The following OXR1 variants were observed in gnomAD, a reference collection of about 807,000 sequenced individuals.
OXR1 encodes oxidation resistance 1.
A neutral mutation model predicts 104.6 loss-of-function variants in OXR1; 41 were observed. That is an observed-to-expected ratio of 0.39 (90% CI 0.31 to 0.51). OXR1 has a LOEUF of 0.51. Ranked by LOEUF, OXR1 falls within the 20% of genes least tolerant of loss-of-function variation. The pLI, the probability that OXR1 is intolerant of heterozygous loss-of-function variation, is 0.77. For synonymous variants in OXR1, 348 were observed against 348.4 expected, an observed-to-expected ratio of 1.00 and a Z score of 0.01; for missense variants, 955 against 1,031.9, an observed-to-expected ratio of 0.93 and a Z score of 1.02.
chr8:106,497,647 A>T (rs1811499867), intron 2 of OXR1, among the ~76,000 whole-genome samples: 2 of 152,328 alleles, frequency 1.3e-5, no homozygotes, highest in Middle Eastern at 6.8e-3. Flanking sequence ...TTTGATGAAG[A>T]TCAAAATCTA....
intron 3 of OXR1, among the ~76,000 whole-genome samples, chr8:106,565,176 G>A (rs1246040391): frequency 1.3e-5 from 2 of 152,106 alleles, no homozygotes; most frequent in South Asian, 2.1e-4. Context: ...AGGAACAGAG[G>A]AAGTCAAATT....
intron 2 of OXR1, among the ~76,000 whole-genome samples, chr8:106,461,151 G>A (rs1001140350): frequency 5.3e-5 from 8 of 152,132 alleles, no homozygotes; most frequent in South Asian, 2.1e-4. Flanking sequence ...TTGAGATTAC[G>A]GGAATGGATT....
chr8:106,524,275 C>T (rs982714045), intron 3 of OXR1, among the ~76,000 whole-genome samples: 3 of 152,138 alleles, frequency 2.0e-5, no homozygotes, highest in African/African-American at 7.2e-5. Context: ...CATATAAGGA[C>T]TTCTGAAAAA....
intron 2 of OXR1, among the ~76,000 whole-genome samples, chr8:106,400,515 T>C (rs1215983948): frequency 6.6e-6 from 1 of 151,932 alleles, no homozygotes; most frequent in African/African-American, 2.4e-5. Context: ...CCAATCAGTT[T>C]CCTCTTTTTT....
intron 3 of OXR1, among the ~76,000 whole-genome samples, chr8:106,544,613 G>A (rs1164912561): frequency 6.6e-6 from 1 of 151,984 alleles, no homozygotes; most frequent in African/African-American, 2.4e-5. Flanking sequence ...AAAGTATTCT[G>A]TTTTCCTCTG....
At chr8:106,700,399 T>C (rs1830481826) in intron 7 of OXR1, among the ~76,000 whole-genome samples, 1 of 152,214 alleles carries the variant, frequency 6.6e-6, no homozygotes, top group African/African-American at 2.4e-5. Context: ...TCTTGATTTA[T>C]GGAGAATGAT....
chr8:106,570,313 G>C (rs1343857108), intron 3 of OXR1, among the ~76,000 whole-genome samples: 1 of 152,130 alleles, frequency 6.6e-6, no homozygotes, highest in Non-Finnish European at 1.5e-5. Context: ...ATTGCATAGT[G>C]CTCCGCTTTG....
intron 2 of OXR1, among the ~76,000 whole-genome samples, chr8:106,485,166 GGA>G (rs1810562993): frequency 1.3e-5 from 2 of 151,056 alleles, no homozygotes; most frequent in Admixed American, 6.6e-5. Context: ...GGGGTTCAAA[GGA>G]GAGAGAGATA....
chr8:106,553,425 C>T (rs1816027122), intron 3 of OXR1, among the ~76,000 whole-genome samples: 1 of 151,474 alleles, frequency 6.6e-6, no homozygotes, highest in Non-Finnish European at 1.5e-5. Flanking sequence ...CTCAAGCAAT[C>T]CTCACACCTC....
At position 106,742,232 on chromosome 8, in the gene OXR1, C is replaced by T; in HGVS notation, c.2327C>T (p.Ala776Val). The T allele has an allele frequency of 1.3e-6, 2 of 1,595,100 alleles. No individual in the cohort carries two copies. The highest frequency in any genetic ancestry group is 1.7e-6 in the Non-Finnish European group (2 of 1,163,810). ...CTTTTTTATCCTTAGGTTTTTGGTG[C>T]GTTAGCATCTGAGCCACTGAAAGTG... is the stretch of plus-strand genomic sequence containing the variant. The part of the protein sequence containing the change: ...IKDSDGQVFG[A>V]LASEPLKVSD... Residue 776 changes from alanine to valine, a missense_variant, in exon 15 of 17, where the codon GCG becomes GTG. This residue lies in a region of OXR1 where 106 missense variants were observed against 179.0 expected (regional missense o/e 0.59). Coordinates refer to ENST00000517566, the MANE Select transcript of OXR1 (RefSeq NM_001198533.2).
chr8:106,456,910 G>GC (rs1398967257), intron 2 of OXR1, among the ~76,000 whole-genome samples: 6 of 152,036 alleles, frequency 3.9e-5, no homozygotes, highest in South Asian at 4.1e-4. Context: ...AATTCCAGTT[G>GC]CATTTATTAT....
intron 2 of OXR1, among the ~76,000 whole-genome samples, chr8:106,428,809 C>T (rs1422740570): frequency 1.3e-5 from 2 of 151,754 alleles, no homozygotes; most frequent in Non-Finnish European, 2.9e-5. Context: ...TAGCACGTAC[C>T]GAGGAAATAA....
intron 1 of OXR1, among the ~76,000 whole-genome samples, chr8:106,331,996 T>TTG (rs1814734413): frequency 9.3e-6 from 1 of 107,070 alleles, no homozygotes; most frequent in Non-Finnish European, 1.8e-5. Flanking sequence ...AGAAAGAACA[T>TTG]AGTGTGTGTG....
At chr8:106,286,124 A>G (rs1041683426) in intron 1 of OXR1, among the ~76,000 whole-genome samples, 20 of 152,186 alleles carry the variant, frequency 1.3e-4, no homozygotes, top group African/African-American at 4.8e-4. Context: ...ACAGAACACT[A>G]AAAACATGCT....
chr8:106,590,390 C>T (rs1454534409), intron 3 of OXR1, among the ~76,000 whole-genome samples: 17 of 152,306 alleles, frequency 1.1e-4, no homozygotes, highest in South Asian at 6.2e-4. Context: ...TGGGTTCAAG[C>T]GATTTTCCTG....
Position 106,750,829 on chromosome 8 carries a change from A to G in OXR1, c.2510A>G (p.Asp837Gly). 1 of 1,605,514 alleles carries G rather than the reference A, an allele frequency of 6.2e-7. No homozygotes were observed. The highest frequency in any genetic ancestry group is 1.3e-5 in the African/African-American group (1 of 74,540). Residue 837 changes from aspartate to glycine, a missense_variant, in exon 17 of 17, where the codon GAT becomes GGT. Physicochemically the swap from Asp to Gly is moderately conservative, Grantham distance 94. Transcript: ENST00000517566. ...AGAGGAGAATTTGCGCTTTGGCTTG[A>G]TGGAGATCTCTACCATGGAAGAAGC... ...GGGGEFALWL[D>G]GDLYHGRSHS...
intron 2 of OXR1, among the ~76,000 whole-genome samples, chr8:106,513,721 G>A (rs1563573299): frequency 6.6e-6 from 1 of 152,132 alleles, no homozygotes; most frequent in Admixed American, 6.6e-5. Flanking sequence ...CACAATTATA[G>A]CATCTTACAT....
intron 3 of OXR1, among the ~76,000 whole-genome samples, chr8:106,648,469 A>C (rs908804980): frequency 1.4e-4 from 21 of 152,240 alleles, no homozygotes; most frequent in African/African-American, 5.1e-4. Flanking sequence ...TAGTATAAAA[A>C]TATAAAATCA....
chr8:106,724,953 T>C (rs1833181797), intron 11 of OXR1, among the ~76,000 whole-genome samples: 3 of 152,192 alleles, frequency 2.0e-5, no homozygotes, highest in Admixed American at 2.0e-4. Context: ...TGACAAGCTT[T>C]CAAAATGCTG....
Sources: allele counts gnomAD v4.1 joint callset (sites outside exome capture counted in the v4.1 genomes callset), GRCh38; gene constraint gnomAD v4.1.1; regional missense constraint gnomAD v4.1.1; transcripts MANE v1.5; gene names NCBI Gene and HGNC (gene_info 2026-07-23, HGNC 2026-07-21).